RNF150: variants seen among roughly 807,000 people sequenced by gnomAD.
RNF150 encodes the protein ring finger protein 150.
Under a neutral mutation model 39.3 loss-of-function variants are expected in RNF150, and 24 were observed. The observed-to-expected ratio is 0.61, with a 90% CI of 0.44 to 0.86. The LOEUF is 0.86. Ranked by LOEUF, RNF150 falls within the 40% of genes least tolerant of loss-of-function variation. The probability of loss-of-function intolerance (pLI) is 0.00; values close to 1 mark genes in which losing one functional copy is unlikely to be tolerated. For missense variants in RNF150, 502 were observed against 587.8 expected, an observed-to-expected ratio of 0.85 and a Z score of 1.51; for synonymous variants, 255 against 227.3, an observed-to-expected ratio of 1.12 and a Z score of -1.10.
rs553911702 is a variant in RNF150, at chr4:141,167,996, G to A, written c.-6+44798C>T. ...CACAGTAAAAGAAATCATCATCAGA[G>A]TGAAAAGGCAACCTACAGAATGGGA... On this transcript the variant is annotated intron_variant, in intron 1 of 7. Transcript: ENST00000420921. 5.3e-5 allele frequency among the ~76,000 whole-genome samples: 8 copies of A among 152,254 alleles called. No individual in the cohort carries two copies. The South Asian group carries it at 1.5e-3, about 28-fold the overall frequency.
intron 2 of RNF150, among the ~76,000 whole-genome samples, chr4:140,953,993 T>C (rs954294662): frequency 4.6e-5 from 7 of 152,124 alleles, no homozygotes; most frequent in Non-Finnish European, 8.8e-5. Flanking sequence ...AATCTAGGGA[T>C]TGGAACCGGA....
intron 1 of RNF150, among the ~76,000 whole-genome samples, chr4:141,099,993 G>A (rs1738949887): frequency 6.6e-6 from 1 of 152,156 alleles, no homozygotes; most frequent in African/African-American, 2.4e-5. Context: ...GATCAATGCA[G>A]TGTGAAAGAG....
At position 141,081,781 on chromosome 4, in the gene RNF150, T is replaced by C. The variant is rs562783142; in HGVS notation, c.484+50544A>G. Among the ~76,000 whole-genome samples, 73 of 152,348 alleles carry C rather than the reference T, an allele frequency of 4.8e-4. 1 individual carries two copies. The highest frequency in any genetic ancestry group is 1.7e-3 in the African/African-American group (70 of 41,578). ...TTCCTTTAGAGATAGACACTTTTCA[T>C]GTATGTTTAAAGAACAACTTACTCT... On this transcript the variant is annotated intron_variant, in intron 1 of 6. Coordinates refer to ENST00000515673, the MANE Select transcript of RNF150 (RefSeq NM_020724.2).
intron 2 of RNF150, among the ~76,000 whole-genome samples, chr4:140,965,517 G>A (rs879750954): frequency 4.6e-5 from 7 of 152,080 alleles, no homozygotes; most frequent in Admixed American, 2.0e-4. Context: ...ACTGAAGGAC[G>A]AATGGATAAA....
intron 6 of RNF150, among the ~76,000 whole-genome samples, chr4:140,875,863 A>G (rs575569040): frequency 2.4e-4 from 37 of 152,312 alleles, no homozygotes; most frequent in Non-Finnish European, 4.6e-4. Context: ...GCAGAAAACT[A>G]TCCTTCCCTG....
intron 1 of RNF150, among the ~76,000 whole-genome samples, chr4:141,085,479 G>A (rs1738328260): frequency 6.6e-6 from 1 of 152,348 alleles, no homozygotes; most frequent in South Asian, 2.1e-4. Context: ...CAACATCCCA[G>A]ATGAGGTCTC....
At chr4:141,125,073 C>T (rs887243143) in intron 1 of RNF150, among the ~76,000 whole-genome samples, 4 of 152,106 alleles carry the variant, frequency 2.6e-5, no homozygotes, top group African/African-American at 9.7e-5. Context: ...CAATTTATAA[C>T]CACAAATGTG....
chr4:140,959,925 C>T (rs1732948673), intron 2 of RNF150, among the ~76,000 whole-genome samples: 1 of 152,082 alleles, frequency 6.6e-6, no homozygotes, highest in Admixed American at 6.6e-5. Context: ...TACCCTCTCC[C>T]CAAGTGAGCT....
intron 1 of RNF150, among the ~76,000 whole-genome samples, chr4:141,163,376 C>T (rs1194328721): frequency 6.6e-6 from 1 of 152,234 alleles, no homozygotes; most frequent in Non-Finnish European, 1.5e-5. Flanking sequence ...GTGGGCACAG[C>T]TTCAGCAGAC....
chr4:141,071,573 C>T (rs549574418), intron 1 of RNF150, among the ~76,000 whole-genome samples: 1 of 152,066 alleles, frequency 6.6e-6, no homozygotes, highest in South Asian at 2.1e-4. Flanking sequence ...ACATTTTGGC[C>T]TGGAGTGTAA....
intron 5 of RNF150, 37 bp from the exon 6 acceptor site, chr4:140,911,391 T>C (rs1170049649): frequency 6.4e-7 from 1 of 1,560,464 alleles, no homozygotes; most frequent in Non-Finnish European, 8.8e-7. Flanking sequence ...TCAGTACATG[T>C]CATCCACTTA....
At chr4:141,131,530 G>GT (rs1259680726) in intron 1 of RNF150, among the ~76,000 whole-genome samples, 9 of 152,200 alleles carry the variant, frequency 5.9e-5, no homozygotes, top group Non-Finnish European at 1.2e-4. Flanking sequence ...GCGGTATTGA[G>GT]TTTTGGGACA....
At chr4:141,065,441 T>C (rs1737416291) in intron 1 of RNF150, among the ~76,000 whole-genome samples, 2 of 152,112 alleles carry the variant, frequency 1.3e-5, no homozygotes, top group Non-Finnish European at 2.9e-5. Flanking sequence ...TTACAAAATA[T>C]AGGGAAAAAA....
At chr4:141,092,100 T>G (rs1240965257) in intron 1 of RNF150, among the ~76,000 whole-genome samples, 2 of 152,174 alleles carry the variant, frequency 1.3e-5, no homozygotes, top group African/African-American at 2.4e-5. Flanking sequence ...TCCCAGCACT[T>G]TGGGAGGCTG....
At chr4:140,904,954 C>T (rs1396554857) in intron 6 of RNF150, among the ~76,000 whole-genome samples, 2 of 152,104 alleles carry the variant, frequency 1.3e-5, no homozygotes, top group African/African-American at 4.8e-5. Context: ...CAATGAATCC[C>T]ATAGAAAAGT....
intron 4 of RNF150, among the ~76,000 whole-genome samples, chr4:140,932,191 C>A (rs1453964054): frequency 1.3e-5 from 2 of 152,186 alleles, no homozygotes; most frequent in African/African-American, 4.8e-5. Flanking sequence ...TAAAAAGATA[C>A]CTAGTACTTC....
chr4:141,162,069 GTAGAGCCCTTGACAGT>G (rs564992193), intron 1 of RNF150, among the ~76,000 whole-genome samples: 2 of 152,290 alleles, frequency 1.3e-5, no homozygotes, highest in East Asian at 3.9e-4. Context: ...CCCCAGAATG[GTAGAGCCCTTGACAGT>G]TTGCACCACA....
At chr4:141,140,138 G>T (rs1727094422) in intron 1 of RNF150, among the ~76,000 whole-genome samples, 1 of 152,162 alleles carries the variant, frequency 6.6e-6, no homozygotes, top group African/African-American at 2.4e-5. Flanking sequence ...TACTGCAGAT[G>T]GAAATGGAAG....
chr4:141,053,940 T>C (rs1009182035), intron 1 of RNF150, among the ~76,000 whole-genome samples: 1 of 152,168 alleles, frequency 6.6e-6, no homozygotes, highest in African/African-American at 2.4e-5. Flanking sequence ...AGATGTCCTA[T>C]ATTTGGCTAT....
Sources: allele counts gnomAD v4.1 joint callset (sites outside exome capture counted in the v4.1 genomes callset), GRCh38; gene constraint gnomAD v4.1.1; transcripts MANE v1.5; gene names NCBI Gene and HGNC (gene_info 2026-07-23, HGNC 2026-07-21).